Variants in CACNG2 observed in about 807,000 individuals in gnomAD.
CACNG2 encodes the protein calcium voltage-gated channel auxiliary subunit gamma 2, also known as voltage-dependent calcium channel gamma-2 subunit.
CACNG2 carries 3 observed loss-of-function variants against 25.9 expected under a neutral mutation model. The observed-to-expected ratio is 0.12, with a 90% CI of 0.05 to 0.30. The LOEUF (loss-of-function observed/expected upper bound fraction) is 0.30. Among genes scored for constraint, CACNG2 ranks in the 10% least tolerant of loss-of-function variants. The probability of loss-of-function intolerance (pLI) is 1.00; values close to 1 mark genes in which losing one functional copy is unlikely to be tolerated. For synonymous variants in CACNG2, 167 were observed against 173.3 expected, an observed-to-expected ratio of 0.96 and a Z score of 0.29; for missense variants, 341 against 432.5, an observed-to-expected ratio of 0.79 and a Z score of 1.88.
chr22:36,634,675 C>T (rs1464876733), intron 1 of CACNG2, among the ~76,000 whole-genome samples: 1 of 152,202 alleles, frequency 6.6e-6, no homozygotes, highest in Non-Finnish European at 1.5e-5. Context: ...TTACTATCCT[C>T]TTGCTTAGTT....
intron 1 of CACNG2, among the ~76,000 whole-genome samples, chr22:36,628,590 A>G (rs979123456): frequency 6.6e-6 from 1 of 152,172 alleles, no homozygotes; most frequent in African/African-American, 2.4e-5. Flanking sequence ...GACAGGTAGG[A>G]GAAAATGGTC....
chr22:36,652,800 T>C (rs1300103863), intron 1 of CACNG2, among the ~76,000 whole-genome samples: 1 of 152,114 alleles, frequency 6.6e-6, no homozygotes, highest in East Asian at 1.9e-4. Flanking sequence ...AGATACCCTG[T>C]GAGCAATTAA....
intron 1 of CACNG2, among the ~76,000 whole-genome samples, chr22:36,631,302 G>A (rs995957232): frequency 7.2e-5 from 11 of 152,120 alleles, no homozygotes; most frequent in African/African-American, 2.4e-4. Context: ...GTTCAGTTAT[G>A]GACTCAGATG....
intron 1 of CACNG2, among the ~76,000 whole-genome samples, chr22:36,650,032 C>T (rs572496446): frequency 6.6e-6 from 1 of 152,346 alleles, no homozygotes; most frequent in South Asian, 2.1e-4. Context: ...CAGTCCACAC[C>T]ACCACCAACT....
chr22:36,576,203 AG>A (rs1935310052), intron 2 of CACNG2, among the ~76,000 whole-genome samples: 1 of 152,262 alleles, frequency 6.6e-6, no homozygotes, highest in African/African-American at 2.4e-5. Context: ...AGCAATAAAA[AG>A]GAATGACTAA....
Position 36,702,551 on chromosome 22 carries a change from T to C in CACNG2, c.26A>G (p.Gln9Arg), listed in dbSNP as rs1937423910. 2 of 1,614,044 alleles carry C rather than the reference T, an allele frequency of 1.2e-6. No homozygotes were observed. Among genetic ancestry groups the C allele is most frequent in the Non-Finnish European group, 1.7e-6 (2 of 1,179,980 alleles). MGLFDRGV[Q>R]MLLTTVGAFA... ...AGCACCAACGGTGGTTAAAAGCATTTGAACACCTCGATCAAACAGCCCCAT... is the reference window on the plus strand; with the variant it reads ...AGCACCAACGGTGGTTAAAAGCATTCGAACACCTCGATCAAACAGCCCCAT... Residue 9 changes from glutamine to arginine, a missense_variant, in exon 1 of 4, where the codon CAA becomes CGA. Transcript: ENST00000300105.
intron 2 of CACNG2, among the ~76,000 whole-genome samples, chr22:36,568,976 C>T (rs1275033367): frequency 9.2e-5 from 14 of 152,130 alleles, no homozygotes; most frequent in African/African-American, 3.4e-4. Flanking sequence ...GAGGTGTTCT[C>T]TCCTTGCAAA....
At chr22:36,644,980 T>C (rs1936496864) in intron 1 of CACNG2, among the ~76,000 whole-genome samples, 1 of 152,218 alleles carries the variant, frequency 6.6e-6, no homozygotes, top group African/African-American at 2.4e-5. Flanking sequence ...TATGTTACTT[T>C]CATCCTTCTA....
rs1388651046 is a variant in CACNG2 at position 36,563,808 on chromosome 22, G to A, written c.*543C>T. The A allele has an allele frequency of 6.6e-6, 1 of 151,090 alleles. No individual in the cohort carries two copies. 9.4% of individuals were successfully genotyped at this position (151,090 alleles called of 1,614,324 possible). A position where few individuals can be genotyped will look rare whatever the true frequency, so the allele number is the denominator to read the frequency against. On this transcript the variant is annotated 3_prime_UTR_variant, in exon 4 of 4. Coordinates refer to ENST00000300105, the MANE Select transcript of CACNG2 (RefSeq NM_006078.5). Reference sequence around the variant, plus strand: ...CTCCCAGGGAGGCAGGGCCCGCTGGGGGTTAAAGGGAACAGAAAAGTAACT... The same window carrying A: ...CTCCCAGGGAGGCAGGGCCCGCTGGAGGTTAAAGGGAACAGAAAAGTAACT...
chr22:36,694,529 T>C lies in CACNG2; in HGVS notation c.211+7837A>G, dbSNP rs1231583042. Among the ~76,000 whole-genome samples the C allele has an allele frequency of 3.3e-5, 5 of 152,226 alleles. No homozygotes were observed. In the South Asian group the frequency reaches 1.0e-3, roughly 32 times the overall value. On this transcript the variant is annotated intron_variant, in intron 1 of 3. Transcript: ENST00000300105. ...GTGTTATAACTGAGCCTCATTCAAA[T>C]TGCAGCTGAAATCCTCGATAATTCT...
intron 1 of CACNG2, among the ~76,000 whole-genome samples, chr22:36,682,080 T>C (rs1326803987): frequency 2.0e-5 from 3 of 152,180 alleles, no homozygotes; most frequent in Non-Finnish European, 2.9e-5. Context: ...GCAGAATTCC[T>C]ATGTGAATTT....
At chr22:36,655,727 TCTTTCTTTC>T (rs1936693357) in intron 1 of CACNG2, among the ~76,000 whole-genome samples, 1 of 145,926 alleles carries the variant, frequency 6.9e-6, no homozygotes, top group African/African-American at 2.8e-5. Context: ...TTCTTTCTTT[TCTTTCTTTC>T]TCTTCCTTTC....
chr22:36,570,561 A>G (rs1396737645), intron 2 of CACNG2, among the ~76,000 whole-genome samples: 1 of 152,004 alleles, frequency 6.6e-6, no homozygotes, highest in African/African-American at 2.4e-5. Context: ...GGAGTTCGAG[A>G]CCAGCCTGGC....
intron 1 of CACNG2, among the ~76,000 whole-genome samples, chr22:36,602,665 C>T (rs1486560675): frequency 2.0e-5 from 3 of 152,214 alleles, no homozygotes; most frequent in Non-Finnish European, 2.9e-5. Context: ...GGATTACAGG[C>T]GTGAGCCACT....
chr22:36,614,924 T>C (rs1054234538), intron 1 of CACNG2, among the ~76,000 whole-genome samples: 1 of 152,184 alleles, frequency 6.6e-6, no homozygotes, highest in Non-Finnish European at 1.5e-5. Context: ...GAAGAATGCA[T>C]TTCGCCTTTC....
chr22:36,614,383 C>T (rs1260938233), intron 1 of CACNG2, among the ~76,000 whole-genome samples: 1 of 152,182 alleles, frequency 6.6e-6, no homozygotes, highest in Non-Finnish European at 1.5e-5. Context: ...TGAAGACTGT[C>T]CCTTCCCCCA....
chr22:36,640,004 G>A (rs565258764), intron 1 of CACNG2, among the ~76,000 whole-genome samples: 1 of 152,186 alleles, frequency 6.6e-6, no homozygotes, highest in Non-Finnish European at 1.5e-5. Flanking sequence ...TCAGCAGCAT[G>A]AGCCTCAGTC....
chr22:36,694,675 T>C (rs1245405724), intron 1 of CACNG2, among the ~76,000 whole-genome samples: 2 of 152,126 alleles, frequency 1.3e-5, no homozygotes, highest in Non-Finnish European at 2.9e-5. Context: ...TTTTGCAAGA[T>C]TCTTATTCTT....
chr22:36,640,747 G>A (rs886178043), intron 1 of CACNG2, among the ~76,000 whole-genome samples: 4 of 152,194 alleles, frequency 2.6e-5, no homozygotes, highest in African/African-American at 9.7e-5. Context: ...AGCAGCCAGA[G>A]CCAGCTTCTG....
Sources: gnomAD v4.1 joint callset for allele counts (sites outside exome capture counted in the v4.1 genomes callset) on GRCh38, gnomAD v4.1.1 for gene constraint, MANE v1.5 for transcripts, NCBI Gene and HGNC (gene_info 2026-07-23, HGNC 2026-07-21) for gene names.